Variants in MSRA observed in about 807,000 individuals in gnomAD.
MSRA encodes the protein methionine sulfoxide reductase A, also known as mitochondrial peptide methionine sulfoxide reductase.
MSRA carries 54 observed loss-of-function variants against 31.3 expected under a neutral mutation model. The ratio of observed to expected loss-of-function variants is 1.73; its 90% CI spans 1.39 to 2.17. The LOEUF is 2.17. Ranked by LOEUF, MSRA falls within the 30% of genes most tolerant of loss-of-function variation. MSRA has a pLI of 0.00. For synonymous variants in MSRA, 169 were observed against 116.5 expected (o/e 1.45, Z -2.90); for missense variants, 507 against 300.9 (o/e 1.69, Z -5.07).
intron 1 of MSRA, among the ~76,000 whole-genome samples, chr8:10,055,875 C>A (rs996332878): frequency 6.6e-6 from 1 of 152,058 alleles, no homozygotes; most frequent in Non-Finnish European, 1.5e-5. Flanking sequence ...TATTATTAAT[C>A]GAATTAGCAG....
At chr8:10,401,786 A>G (rs146028074) in intron 5 of MSRA, among the ~76,000 whole-genome samples, 68 of 152,362 alleles carry the variant, frequency 4.5e-4, no homozygotes, top group African/African-American at 1.5e-3. Flanking sequence ...ACATCAAGCT[A>G]AATGAAATAA....
chr8:10,389,790 C>CTTT (rs55769720), intron 5 of MSRA, among the ~76,000 whole-genome samples: 16 of 123,390 alleles, frequency 1.3e-4, no homozygotes, highest in East Asian at 5.2e-4. Context: ...GAAACTTACT[C>CTTT]TTTTTTTTTT....
chr8:10,289,657 G>A (rs1432178766), intron 3 of MSRA, among the ~76,000 whole-genome samples: 1 of 152,158 alleles, frequency 6.6e-6, no homozygotes, highest in Non-Finnish European at 1.5e-5. Flanking sequence ...TGAAGAATAT[G>A]AAAACATATT....
intron 3 of MSRA, among the ~76,000 whole-genome samples, chr8:10,282,711 T>C (rs963287603): frequency 3.3e-5 from 5 of 152,174 alleles, no homozygotes; most frequent in African/African-American, 1.2e-4. Flanking sequence ...CCAGACCTTA[T>C]CACTACCAAG....
chr8:10,415,205 G>C (rs1808384117), intron 5 of MSRA, among the ~76,000 whole-genome samples: 1 of 152,184 alleles, frequency 6.6e-6, no homozygotes, highest in Non-Finnish European at 1.5e-5. Context: ...TGTCCAGCCT[G>C]GTGGGTCCCC....
intron 3 of MSRA, among the ~76,000 whole-genome samples, chr8:10,255,500 G>A (rs892148836): frequency 7.9e-5 from 12 of 152,084 alleles, no homozygotes; most frequent in African/African-American, 2.9e-4. Flanking sequence ...CCTCGGTCCC[G>A]GCAGGTAAGG....
chr8:10,337,959 G>A, intron 5 of MSRA: 2 of 620,386 alleles, frequency 3.2e-6, no homozygotes, highest in Non-Finnish European at 2.9e-6. Context: ...GAGGTAAACT[G>A]GGTGGCCCAG....
At chr8:10,291,845 A>G (rs1800253333) in intron 3 of MSRA, among the ~76,000 whole-genome samples, 1 of 152,176 alleles carries the variant, frequency 6.6e-6, no homozygotes, top group African/African-American at 2.4e-5. Flanking sequence ...TTATAGGATA[A>G]ATAAACTAAG....
intron 1 of MSRA, among the ~76,000 whole-genome samples, chr8:10,183,835 G>T (rs1203381595): frequency 6.6e-6 from 1 of 150,710 alleles, no homozygotes; most frequent in African/African-American, 2.5e-5. Flanking sequence ...GCTGCTGGTG[G>T]TATTGGTAGT....
intron 5 of MSRA, chr8:10,337,098 C>G (rs1193810832): frequency 6.6e-6 from 1 of 152,200 alleles, no homozygotes; most frequent in African/African-American, 2.4e-5. Context: ...CAAAGGTAAA[C>G]TCACAAACCC....
intron 1 of MSRA, among the ~76,000 whole-genome samples, chr8:10,069,979 G>A (rs1264955897): frequency 6.6e-6 from 1 of 152,164 alleles, no homozygotes; most frequent in Non-Finnish European, 1.5e-5. Context: ...ATCACAGCAC[G>A]TGGTATGTAT....
At chr8:10,279,359 C>T (rs1045031318) in intron 3 of MSRA, among the ~76,000 whole-genome samples, 1 of 152,164 alleles carries the variant, frequency 6.6e-6, no homozygotes, top group Non-Finnish European at 1.5e-5. Flanking sequence ...GAAACACATT[C>T]TCAGAGTTTT....
intron 1 of MSRA, among the ~76,000 whole-genome samples, chr8:10,099,485 G>A (rs766934197): frequency 5.3e-5 from 8 of 152,192 alleles, no homozygotes; most frequent in Non-Finnish European, 1.0e-4. Flanking sequence ...AAATACCTTC[G>A]CCTGTTATTC....
At chr8:10,379,307 G>GA (rs796340181) in intron 5 of MSRA, among the ~76,000 whole-genome samples, 53 of 144,290 alleles carry the variant, frequency 3.7e-4, no homozygotes, top group South Asian at 8.8e-4. Flanking sequence ...GCTTAACGAA[G>GA]AAAAAAAAAA....
intron 1 of MSRA, among the ~76,000 whole-genome samples, chr8:10,139,484 G>A (rs1802523318): frequency 6.6e-6 from 1 of 152,164 alleles, no homozygotes; most frequent in Non-Finnish European, 1.5e-5. Context: ...CAAACAGTGT[G>A]CATTGTATCC....
At chr8:10,118,151 C>G (rs1800820389) in intron 1 of MSRA, among the ~76,000 whole-genome samples, 3 of 152,174 alleles carry the variant, frequency 2.0e-5, no homozygotes, top group Admixed American at 2.0e-4. Flanking sequence ...CGTGGCTTTT[C>G]TGATTCCTCT....
At chr8:10,088,009 C>T (rs1187412958) in intron 1 of MSRA, among the ~76,000 whole-genome samples, 1 of 152,168 alleles carries the variant, frequency 6.6e-6, no homozygotes, top group East Asian at 1.9e-4. Context: ...AGGACCTCAC[C>T]TGCTTATCAT....
chr8:10,132,830 C>A (rs1316554808), intron 1 of MSRA, among the ~76,000 whole-genome samples: 1 of 152,200 alleles, frequency 6.6e-6, no homozygotes, highest in Non-Finnish European at 1.5e-5. Flanking sequence ...AAAATAGTTG[C>A]AGAGTAGGTA....
intron 1 of MSRA, among the ~76,000 whole-genome samples, chr8:10,157,665 T>C (rs974689470): frequency 3.3e-5 from 5 of 152,076 alleles, no homozygotes; most frequent in Admixed American, 3.3e-4. Context: ...ATATCAAATA[T>C]GAGAGTCAGA....
Sources: allele counts gnomAD v4.1 joint callset (sites outside exome capture counted in the v4.1 genomes callset), GRCh38; gene constraint gnomAD v4.1.1; transcripts MANE v1.5; gene names NCBI Gene and HGNC (gene_info 2026-07-23, HGNC 2026-07-21).